STXBP5: variants seen among roughly 807,000 people sequenced by gnomAD.
The protein encoded by STXBP5 is syntaxin-binding protein 5.
Under a neutral mutation model 152.4 loss-of-function variants are expected in STXBP5, and 50 were observed. The observed-to-expected ratio is 0.33, with a 90% confidence interval of 0.26 to 0.42. STXBP5 has a LOEUF of 0.42. Among genes scored for constraint, STXBP5 ranks in the 10% least tolerant of loss-of-function variants. The pLI is 1.00. For synonymous variants in STXBP5, 492 were observed against 494.7 expected (o/e 0.99, Z 0.07); for missense variants, 1,167 against 1,388.6 (o/e 0.84, Z 2.54).
chr6:147,262,134 A>T (rs779696249), intron 5 of STXBP5, among the ~76,000 whole-genome samples, 156 bp from the exon 6 acceptor site: 2 of 151,950 alleles, frequency 1.3e-5, no homozygotes, highest in Non-Finnish European at 2.9e-5. Context: ...TTTGATCCAT[A>T]TTAAGAACTA....
chr6:147,360,760 G>A (rs969298024), intron 23 of STXBP5, among the ~76,000 whole-genome samples: 1 of 152,018 alleles, frequency 6.6e-6, no homozygotes, highest in Non-Finnish European at 1.5e-5. Context: ...AAATGAGATT[G>A]GATTTTGTCA....
At chr6:147,277,632 G>A (rs1291367527) in intron 7 of STXBP5, among the ~76,000 whole-genome samples, 1 of 152,004 alleles carries the variant, frequency 6.6e-6, no homozygotes, top group East Asian at 1.9e-4. Context: ...TGAAACATTT[G>A]TATTGATCTT....
At chr6:147,222,508 A>G (rs1777510021) in intron 2 of STXBP5, among the ~76,000 whole-genome samples, 1 of 152,076 alleles carries the variant, frequency 6.6e-6, no homozygotes, top group Admixed American at 6.5e-5. Flanking sequence ...ACTCCCTTTT[A>G]GGTGGAATAA....
At position 147,363,696 on chromosome 6, in the gene STXBP5, G is replaced by A. The variant is rs1247293328; in HGVS notation, c.2907G>A (p.Met969Ile). The change falls in exon 24 of 28, where the codon ATG (methionine) becomes ATA (isoleucine). Residue 969 changes from methionine to isoleucine, a missense_variant. Coordinates refer to ENST00000321680, the MANE Select transcript of STXBP5 (RefSeq NM_001127715.4). ...GTTTCTGTGCCAATGGACATATAATGACTTTTAGGTAAGAGTTAGATATGT... is the reference window on the plus strand; with the variant it reads ...GTTTCTGTGCCAATGGACATATAATAACTTTTAGGTAAGAGTTAGATATGT... ...LACFCANGHI[M>I]TFSLPSLRPL... The A allele has an allele frequency of 4.4e-6, 7 of 1,608,038 alleles. No individual in the cohort carries two copies. The highest frequency in any genetic ancestry group is 5.9e-6 in the Non-Finnish European group (7 of 1,177,798).
rs368921704 is a variant in STXBP5, at chr6:147,307,480, A to G, written c.918-2604A>G. On this transcript the variant is annotated intron_variant, in intron 9 of 27. Transcript: ENST00000321680. ...AATTCCAAATGCTTACAAAAACTTT[A>G]AATTTTCATAATTTTTGCTGTGAAG... 3.2e-4 allele frequency among the ~76,000 whole-genome samples: 48 copies of G among 152,286 alleles called. No homozygotes were observed. In the South Asian group the frequency reaches 9.1e-3, roughly 29 times the overall value.
At chr6:147,255,596 G>A (rs1779319527) in intron 4 of STXBP5, among the ~76,000 whole-genome samples, 1 of 152,146 alleles carries the variant, frequency 6.6e-6, no homozygotes, top group Admixed American at 6.5e-5. Flanking sequence ...CCAGGCTCAA[G>A]CAGTCCTCCT....
At chr6:147,289,963 G>A (rs112726802) in intron 8 of STXBP5, among the ~76,000 whole-genome samples, 4 of 152,336 alleles carry the variant, frequency 2.6e-5, no homozygotes, top group Admixed American at 6.5e-5. Flanking sequence ...CACTTCAGGA[G>A]ACTGCGGCGG....
chr6:147,344,909 G>A (rs924396433), intron 21 of STXBP5, among the ~76,000 whole-genome samples: 1 of 152,148 alleles, frequency 6.6e-6, no homozygotes, highest in Admixed American at 6.5e-5. Flanking sequence ...ATGAATGCTT[G>A]GAAAGCAGAT....
At chr6:147,373,147 A>T (rs2128418983) in intron 25 of STXBP5, among the ~76,000 whole-genome samples, 1 of 152,136 alleles carries the variant, frequency 6.6e-6, no homozygotes, top group South Asian at 2.1e-4. Context: ...TGGGTGGATC[A>T]CTTGAGGCCA....
intron 9 of STXBP5, among the ~76,000 whole-genome samples, chr6:147,306,589 T>C (rs970578685): frequency 6.6e-6 from 1 of 152,220 alleles, no homozygotes; most frequent in African/African-American, 2.4e-5. Context: ...TGTGTCTGCA[T>C]GATTTGGAGT....
chr6:147,383,802 C>G (rs937343036), intron 27 of STXBP5, among the ~76,000 whole-genome samples: 4 of 151,982 alleles, frequency 2.6e-5, no homozygotes, highest in African/African-American at 9.7e-5. Context: ...AAAGTCATTT[C>G]CTCCTTGCTC....
At chr6:147,257,941 G>A (rs370678615) in intron 4 of STXBP5, among the ~76,000 whole-genome samples, 4 of 152,138 alleles carry the variant, frequency 2.6e-5, no homozygotes, top group African/African-American at 7.2e-5. Flanking sequence ...CTGGCTGCAC[G>A]ACTAGGTTGG....
chr6:147,213,477 T>TGTGTGTGTGTGCGCGCGCGCGCGCGC, intron 2 of STXBP5, among the ~76,000 whole-genome samples: 63 of 131,254 alleles, frequency 4.8e-4, no homozygotes, highest in Admixed American at 1.3e-3. Flanking sequence ...TGTGTGTGTG[T>TGTGTGTGTGTGCGCGCGCGCGCGCGC]GCGCGCGCAT....
At position 147,364,037 on chromosome 6, in the gene STXBP5, C is replaced by T. The variant is rs891562097; in HGVS notation, c.2952C>T (p.Tyr984=). Residue 984 remains tyrosine (Y), a synonymous_variant, in exon 25 of 28, where the codon TAC becomes TAT. Coordinates refer to ENST00000321680, the MANE Select transcript of STXBP5 (RefSeq NM_001127715.4). ...TAAGACCTCTGTTGGATGTGTATTACTTGCCCCTTACCAATATGCGGATAG... is the reference window on the plus strand; with the variant it reads ...TAAGACCTCTGTTGGATGTGTATTATTTGCCCCTTACCAATATGCGGATAG... ...PSLRPLLDVY[Y]LPLTNMRIAR... is the part of the protein sequence containing the mutation. 1 of 1,613,870 alleles carries T rather than the reference C, an allele frequency of 6.2e-7. No individual in the cohort carries two copies. Among genetic ancestry groups the T allele is most frequent in the Non-Finnish European group, 8.5e-7 (1 of 1,179,980 alleles).
chr6:147,329,532 T>A (rs1783446123), intron 18 of STXBP5, among the ~76,000 whole-genome samples: 1 of 150,314 alleles, frequency 6.7e-6, no homozygotes. Flanking sequence ...TTTGTCATGA[T>A]GTAAAAAATA....
At chr6:147,206,495 A>G (rs1448270122) in intron 2 of STXBP5, among the ~76,000 whole-genome samples, 2 of 152,154 alleles carry the variant, frequency 1.3e-5, no homozygotes, top group Non-Finnish European at 2.9e-5. Context: ...TTGGATTTCA[A>G]TCTGAATTTG....
At chr6:147,257,418 C>A (rs998135393) in intron 4 of STXBP5, among the ~76,000 whole-genome samples, 1 of 151,626 alleles carries the variant, frequency 6.6e-6, no homozygotes, top group Non-Finnish European at 1.5e-5. Flanking sequence ...TGGGTTTCAA[C>A]TATATATATT....
intron 2 of STXBP5, among the ~76,000 whole-genome samples, chr6:147,221,696 A>T (rs1777470319): frequency 6.8e-6 from 1 of 147,424 alleles, no homozygotes; most frequent in South Asian, 2.2e-4. Flanking sequence ...TTTTTTTTTA[A>T]TCTTTGGATT....
intron 26 of STXBP5, among the ~76,000 whole-genome samples, chr6:147,381,400 G>A (rs1332888836): frequency 6.6e-6 from 1 of 152,130 alleles, no homozygotes; most frequent in Non-Finnish European, 1.5e-5. Context: ...TGGCAAGGAT[G>A]TGGAGATATT....
Sources: allele counts gnomAD v4.1 joint callset (sites outside exome capture counted in the v4.1 genomes callset), GRCh38; gene constraint gnomAD v4.1.1; transcripts MANE v1.5; gene names NCBI Gene and HGNC (gene_info 2026-07-23, HGNC 2026-07-21).